The following DIS3 variants were observed in gnomAD, a reference collection of about 807,000 sequenced individuals.
The protein encoded by DIS3 is DIS3 exosome endoribonuclease and 3'-5' exoribonuclease, also known as exosome complex exonuclease RRP44.
DIS3 carries 103 observed loss-of-function variants against 113.0 expected under a neutral mutation model. The observed-to-expected ratio is 0.91, with a 90% CI of 0.78 to 1.07. The LOEUF (loss-of-function observed/expected upper bound fraction) is 1.07. Among genes scored for constraint, DIS3 ranks in the 50% least tolerant of loss-of-function variants. The probability of loss-of-function intolerance (pLI) is 0.00; values close to 1 mark genes in which losing one functional copy is unlikely to be tolerated. For missense variants in DIS3, 1,121 were observed against 1,167.1 expected (o/e 0.96, Z 0.58); for synonymous variants, 402 against 394.3 (o/e 1.02, Z -0.23).
chr13:72,764,520 T>G (rs1215991554), intron 15 of DIS3, among the ~76,000 whole-genome samples: 1 of 152,106 alleles, frequency 6.6e-6, no homozygotes, highest in Non-Finnish European at 1.5e-5. Flanking sequence ...AAGGTGAGAG[T>G]TACTAGCAGT....
At chr13:72,775,472 ATC>A in intron 5 of DIS3, 97 bp from the exon 6 acceptor site, 2 of 1,289,464 alleles carry the variant, frequency 1.6e-6, no homozygotes, top group Non-Finnish European at 2.1e-6. Context: ...CACTCTGAAT[ATC>A]TCTATGGAAT....
At chr13:72,771,042 A>G (rs747109900) in intron 12 of DIS3, 39 bp downstream of exon 12, 3 of 1,610,614 alleles carry the variant, frequency 1.9e-6, no homozygotes, top group Non-Finnish European at 2.5e-6. Flanking sequence ...AAAGTAGTAA[A>G]TACAATGTCT....
Position 72,768,932 on chromosome 13 carries a change from T to G in DIS3, c.1756-20A>C. On this transcript the variant is annotated intron_variant, in intron 13 of 20. Transcript: ENST00000377767. ...AGATGCCTAAAAAAGAAAATGTATG[T>G]TATATAATTCTTATAAATGATAGAA... is the stretch of plus-strand genomic sequence containing the variant. The G allele has an allele frequency of 6.6e-7, 1 of 1,524,552 alleles. No homozygotes were observed. The highest frequency in any genetic ancestry group is 1.2e-5 in the South Asian group (1 of 85,082). The allele number at this position is 1,524,552 out of a possible 1,614,324, so 94.4% of individuals were successfully genotyped here. A position where few individuals can be genotyped will look rare whatever the true frequency, so the allele number is the denominator to read the frequency against.
At chr13:72,767,029 T>C (rs1008289725) in intron 14 of DIS3, among the ~76,000 whole-genome samples, 3 of 152,204 alleles carry the variant, frequency 2.0e-5, no homozygotes, top group Non-Finnish European at 4.4e-5. Flanking sequence ...AGGTCTGATA[T>C]GTATTTATTA....
chr13:72,764,360 A>T (rs1235634563), intron 15 of DIS3, among the ~76,000 whole-genome samples: 1 of 152,160 alleles, frequency 6.6e-6, no homozygotes, highest in African/African-American at 2.4e-5. Context: ...AAATTACTCA[A>T]ATGAAGAGAC....
Position 72,770,040 on chromosome 13 carries a change from A to G in DIS3, c.1755+864T>C, listed in dbSNP as rs540437104. On this transcript the variant is annotated intron_variant, in intron 13 of 20. Transcript: ENST00000377767. ...TCTCAGGCTAGTTCTACTAAAATCC[A>G]ATGGTGACTTAAACATCATTTCTGT... 6.0e-4 allele frequency among the ~76,000 whole-genome samples: 91 copies of G among 152,326 alleles called. 1 individual carries two copies. The highest frequency in any genetic ancestry group is 4.3e-3 in the South Asian group (21 of 4,828).
At position 72,755,507 on chromosome 13, in the gene DIS3, G is replaced by T; in HGVS notation, c.*4288C>A. ...CAGAGCTGAGTGCTCCTATCTTACAGGGTCAATGAACTACTTATTAAGCCT... is the reference window on the plus strand; with the variant it reads ...CAGAGCTGAGTGCTCCTATCTTACATGGTCAATGAACTACTTATTAAGCCT... On this transcript the variant is annotated 3_prime_UTR_variant, in exon 21 of 21. Coordinates refer to ENST00000377767, the MANE Select transcript of DIS3 (RefSeq NM_014953.5). 2.4e-6 allele frequency: 1 copy of T among 409,902 alleles called. No individual in the cohort carries two copies. The highest frequency in any genetic ancestry group is 4.2e-5 in the East Asian group (1 of 23,804). 25.4% of individuals were successfully genotyped at this position (409,902 alleles called of 1,614,324 possible).
rs779212004 is a variant in DIS3 at position 72,755,166 on chromosome 13, CAG to C, written c.*4627_*4628del. The C allele has an allele frequency of 3.1e-6, 5 of 1,613,850 alleles. No individual in the cohort carries two copies. The highest frequency in any genetic ancestry group is 4.2e-6 in the Non-Finnish European group (5 of 1,179,892). On this transcript the variant is annotated 3_prime_UTR_variant, in exon 21 of 21. Transcript: ENST00000377767. ...TTTTTCACAGCAAGACCACACAACA[CAG>C]AGGTGTTGGATGAAAACAGCAAGCC...
chr13:72,777,491 C>A lies in DIS3; in HGVS notation c.583G>T (p.Glu195Ter), dbSNP rs199726561. The A allele has an allele frequency of 2.1e-4, 343 of 1,613,588 alleles. No individual in the cohort carries two copies. Among genetic ancestry groups the A allele is most frequent in the Non-Finnish European group, 2.8e-4 (334 of 1,179,774 alleles). ...GCAGTTAGGCTCTTTACATATTCTT[C>A]ACCTGAAAAAATAAGTTTATGTTGT... Reference protein sequence around the residue: ...IEEGIPAFTCEEYVKSLTANP... With the variant: ...IEEGIPAFTC The change falls in exon 4 of 21, where the codon GAA (glutamate) becomes TAA (stop). Residue 195 changes from glutamate to a stop codon, truncating the protein, a stop_gained and splice_region_variant. Transcript: ENST00000377767. LOFTEE classifies it high-confidence loss of function.
intron 8 of DIS3, among the ~76,000 whole-genome samples, chr13:72,773,099 T>C (rs1290417786): frequency 1.3e-5 from 2 of 152,214 alleles, no homozygotes; most frequent in African/African-American, 4.8e-5. Flanking sequence ...CAATATAATC[T>C]TTTCAAAATT....
intron 2 of DIS3, among the ~76,000 whole-genome samples, chr13:72,779,588 T>C (rs544041368): frequency 3.3e-4 from 50 of 152,232 alleles, no homozygotes; most frequent in African/African-American, 1.1e-3. Flanking sequence ...TACAAGAACA[T>C]TGAAGTTTGA....
chr13:72,781,586 G>T lies in DIS3; in HGVS notation c.228+19C>A. Reference sequence around the variant, plus strand: ...GTCCCCGTGGGGCCGCGCTGTCCGCGGTTCGCCCGCCCACGCACCTGGTGC... The same window carrying T: ...GTCCCCGTGGGGCCGCGCTGTCCGCTGTTCGCCCGCCCACGCACCTGGTGC... On this transcript the variant is annotated intron_variant, in intron 1 of 20. Coordinates refer to ENST00000377767, the MANE Select transcript of DIS3 (RefSeq NM_014953.5). 2 of 1,487,730 alleles carry T rather than the reference G, an allele frequency of 1.3e-6. No homozygotes were observed. Among genetic ancestry groups the T allele is most frequent in the East Asian group, 2.5e-5 (1 of 40,224 alleles). 92.2% of individuals were successfully genotyped at this position (1,487,730 alleles called of 1,614,324 possible).
Position 72,759,429 on chromosome 13 carries a change from A to G in DIS3, c.*366T>C. 4.3e-6 allele frequency: 1 copy of G among 230,856 alleles called. No homozygotes were observed. The highest frequency in any genetic ancestry group is 8.6e-6 in the Non-Finnish European group (1 of 116,904). 14.3% of individuals were successfully genotyped at this position (230,856 alleles called of 1,614,324 possible). A position where few individuals can be genotyped will look rare whatever the true frequency, so the allele number is the denominator to read the frequency against. On this transcript the variant is annotated 3_prime_UTR_variant, in exon 21 of 21. Coordinates refer to ENST00000377767, the MANE Select transcript of DIS3 (RefSeq NM_014953.5). ...TTGTTCTATTTTCCTCTGTAGGAAA[A>G]TGAAAGTTTTTTCTTACAAATATTA...
At chr13:72,761,242 G>T in intron 19 of DIS3, 121 bp downstream of exon 19, 1 of 1,262,726 alleles carries the variant, frequency 7.9e-7, no homozygotes, top group Non-Finnish European at 1.1e-6. Context: ...GCATGTATTT[G>T]GAGATCAGGA....
intron 8 of DIS3, 65 bp from the exon 9 acceptor site, chr13:72,772,904 ATTC>A (rs1351979655): frequency 4.1e-6 from 6 of 1,478,890 alleles, no homozygotes; most frequent in Admixed American, 4.8e-5. Flanking sequence ...ATCATATTAA[ATTC>A]TTCAGCATTT....
rs562901239 is a variant in DIS3, at chr13:72,764,834, A to T, written c.1970+1138T>A. 1.6e-3 allele frequency among the ~76,000 whole-genome samples: 239 copies of T among 152,276 alleles called. 1 individual carries two copies. The highest frequency in any genetic ancestry group is 5.5e-3 in the African/African-American group (229 of 41,566). ...GTTCTTTCTTCTTCTTGGTAAGAAG[A>T]AATGGCTGATATTTTACTTTGGCAA... is the stretch of plus-strand genomic sequence containing the variant. On this transcript the variant is annotated intron_variant, in intron 15 of 20. Transcript: ENST00000377767.
In DIS3 at chr13:72,754,573, A is replaced by C. The variant is rs1593825614; in HGVS notation, c.*5222T>G. On this transcript the variant is annotated 3_prime_UTR_variant, in exon 21 of 21. Transcript: ENST00000377767. ...CTTAGTTTTCCTTTCTGTTGTATGT[A>C]GTAGGAGCAAACTGCCTTTCTGTTG... 6.6e-6 allele frequency: 1 copy of C among 152,334 alleles called. No homozygotes were observed. Among genetic ancestry groups the C allele is most frequent in the African/African-American group, 2.4e-5 (1 of 41,558 alleles). 9.4% of individuals were successfully genotyped at this position (152,334 alleles called of 1,614,324 possible). A position where few individuals can be genotyped will look rare whatever the true frequency, so the allele number is the denominator to read the frequency against.
intron 11 of DIS3, among the ~76,000 whole-genome samples, chr13:72,771,472 C>T (rs1178147346): frequency 3.3e-5 from 5 of 152,116 alleles, no homozygotes; most frequent in Non-Finnish European, 7.4e-5. Context: ...CTGACACACT[C>T]TATGACTGGA....
chr13:72,774,328 C>T (rs1383802768), intron 6 of DIS3, among the ~76,000 whole-genome samples: 1 of 152,062 alleles, frequency 6.6e-6, no homozygotes, highest in Non-Finnish European at 1.5e-5. Context: ...TATGTTAGAA[C>T]TCAACACTTT....
Sources: gnomAD v4.1 joint callset for allele counts (sites outside exome capture counted in the v4.1 genomes callset) on GRCh38, gnomAD v4.1.1 for gene constraint, MANE v1.5 for transcripts, NCBI Gene and HGNC (gene_info 2026-07-23, HGNC 2026-07-21) for gene names.